Variants in GTF2H3 observed in about 807,000 individuals in gnomAD.
The protein encoded by GTF2H3 is general transcription factor IIH subunit 3.
A neutral mutation model predicts 51.1 loss-of-function variants in GTF2H3; 42 were observed. That is an observed-to-expected ratio of 0.82 (90% CI 0.64 to 1.06). The LOEUF (loss-of-function observed/expected upper bound fraction) is 1.06, where lower values mean the gene tolerates loss of function less well. Among genes scored for constraint, GTF2H3 ranks in the 50% least tolerant of loss-of-function variants. GTF2H3 has a pLI of 0.00. For missense variants in GTF2H3, 326 were observed against 366.1 expected, an observed-to-expected ratio of 0.89 and a Z score of 0.89; for synonymous variants, 123 against 123.8, an observed-to-expected ratio of 0.99 and a Z score of 0.04.
intron 7 of GTF2H3, 62 bp from the exon 8 acceptor site, chr12:123,654,862 T>G (rs1469627689): frequency 1.1e-5 from 12 of 1,090,078 alleles, no homozygotes; most frequent in Non-Finnish European, 1.7e-5. Flanking sequence ...GTATATTGTG[T>G]GACATTGGTG....
chr12:123,658,358 C>T (rs1955612469), intron 9 of GTF2H3, among the ~76,000 whole-genome samples: 1 of 152,148 alleles, frequency 6.6e-6, no homozygotes, highest in Admixed American at 6.5e-5. Context: ...GCTGGGATTA[C>T]AGGTGCCCGC....
chr12:123,634,401 T>C (rs11572914), intron 1 of GTF2H3, among the ~76,000 whole-genome samples: 5,618 of 152,266 alleles, frequency 0.037, 270 homozygotes, highest in African/African-American at 0.11. Context: ...ATTATGGCAG[T>C]ACTGCACCCA....
At position 123,643,124 on chromosome 12, in the gene GTF2H3, C is replaced by T. The variant is rs188875394; in HGVS notation, c.94-2331C>T. ...AACTCCTGAGCTCAGGCAGTCTGCCCGCCTTGGCCTCCCAAAGTGCTGGGA... is the reference window on the plus strand; with the variant it reads ...AACTCCTGAGCTCAGGCAGTCTGCCTGCCTTGGCCTCCCAAAGTGCTGGGA... On this transcript the variant is annotated intron_variant, in intron 2 of 12. Transcript: ENST00000543341. Among the ~76,000 whole-genome samples, 38 of 152,272 alleles carry T rather than the reference C, an allele frequency of 2.5e-4. No individual in the cohort carries two copies. The East Asian group carries it at 5.2e-3, about 21-fold the overall frequency.
intron 3 of GTF2H3, among the ~76,000 whole-genome samples, chr12:123,647,009 C>T (rs1448116548): frequency 6.6e-6 from 1 of 151,514 alleles, no homozygotes; most frequent in Non-Finnish European, 1.5e-5. Context: ...AAAAATTAGC[C>T]GGGCATGGTG....
At chr12:123,646,254 T>TA (rs1955445343) in intron 3 of GTF2H3, among the ~76,000 whole-genome samples, 10 of 149,076 alleles carry the variant, frequency 6.7e-5, no homozygotes, top group South Asian at 2.1e-4. Flanking sequence ...CTCTTCTATG[T>TA]CTTTTTTTTT....
intron 5 of GTF2H3, chr12:123,651,289 C>A (rs1345249418): frequency 3.0e-6 from 1 of 337,534 alleles, no homozygotes; most frequent in Non-Finnish European, 5.6e-6. Flanking sequence ...CGGCTCACTG[C>A]AACCTTCGCC....
chr12:123,641,998 C>T (rs1310413314), intron 2 of GTF2H3, among the ~76,000 whole-genome samples: 11 of 151,422 alleles, frequency 7.3e-5, no homozygotes, highest in South Asian at 6.3e-4. Context: ...GGATCACAGG[C>T]GCGTGCCACC....
At chr12:123,657,848 T>G (rs1275935156) in intron 9 of GTF2H3, among the ~76,000 whole-genome samples, 1 of 152,200 alleles carries the variant, frequency 6.6e-6, no homozygotes, top group African/African-American at 2.4e-5. Flanking sequence ...GCTAGGGTTT[T>G]CAGTGTAAAT....
chr12:123,636,500 G>A (rs1248020501), intron 1 of GTF2H3, among the ~76,000 whole-genome samples: 1 of 149,334 alleles, frequency 6.7e-6, no homozygotes, highest in African/African-American at 2.5e-5. Flanking sequence ...CTAGAGCCGG[G>A]CACGGCGGCA....
intron 2 of GTF2H3, 133 bp from the exon 3 acceptor site, chr12:123,645,322 G>A: frequency 1.6e-6 from 1 of 609,286 alleles, no homozygotes. Context: ...CTCCCACCTT[G>A]GCCTCTCAGG....
At chr12:123,646,979 G>A (rs903111493) in intron 3 of GTF2H3, among the ~76,000 whole-genome samples, 25 of 150,972 alleles carry the variant, frequency 1.7e-4, no homozygotes, top group Non-Finnish European at 3.1e-4. Flanking sequence ...GTGAAACCCC[G>A]TTTCTACTAA....
chr12:123,635,692 C>T (rs561916456), intron 1 of GTF2H3, among the ~76,000 whole-genome samples: 8 of 151,918 alleles, frequency 5.3e-5, no homozygotes, highest in Non-Finnish European at 8.8e-5. Context: ...GGATTACAGG[C>T]GTGAGCCACT....
intron 5 of GTF2H3, among the ~76,000 whole-genome samples, chr12:123,652,277 AGTCAAGT>A (rs1425316536): frequency 1.3e-5 from 2 of 152,222 alleles, no homozygotes; most frequent in Non-Finnish European, 2.9e-5. Context: ...AGAATAGGAC[AGTCAAGT>A]GTTGGGAATT....
rs559367249 is a variant in GTF2H3, at chr12:123,656,970, C to CT, written c.615+1147dup. On this transcript the variant is annotated intron_variant, in intron 9 of 12. Transcript: ENST00000543341. ...TATCATGGTGGTGCACGCCTGTAGT[C>CT]TCAGCTGTTCGGGAGGTGGAGGCAG... is the stretch of plus-strand genomic sequence containing the variant. 8.6e-3 allele frequency among the ~76,000 whole-genome samples: 1,313 copies of CT among 152,202 alleles called. 10 individuals are homozygous for CT. Among genetic ancestry groups the CT allele is most frequent in the Non-Finnish European group, 0.013 (895 of 68,016 alleles).
chr12:123,651,836 A>G (rs1195121355), intron 5 of GTF2H3, among the ~76,000 whole-genome samples: 3 of 151,984 alleles, frequency 2.0e-5, no homozygotes, highest in Non-Finnish European at 2.9e-5. Context: ...AAAAAAAAGA[A>G]AAAAAGATAA....
chr12:123,659,742 T>C, intron 10 of GTF2H3, 53 bp from the exon 11 acceptor site: 1 of 1,582,434 alleles, frequency 6.3e-7, no homozygotes, highest in Non-Finnish European at 8.6e-7. Context: ...GGCTTCATGT[T>C]ATTTTTTTCC....
Position 123,651,032 on chromosome 12 carries a change from G to A in GTF2H3, c.403G>A (p.Gly135Arg), listed in dbSNP as rs200262579. The change falls in exon 5 of 13, where the codon GGA becomes AGA. Residue 135 changes from glycine (G) to arginine (R), a missense_variant. Coordinates refer to ENST00000543341, the MANE Select transcript of GTF2H3 (RefSeq NM_001516.5). ...TCAACATACAGAAACTTTGCTGGCA[G>A]GATCCCTGGCCAAAGCCCTTTGCTG... ...KGQHTETLLA[G>R]SLAKALCYIH... 1 of 1,613,122 alleles carries A rather than the reference G, an allele frequency of 6.2e-7. No homozygotes were observed. Among genetic ancestry groups the A allele is most frequent in the South Asian group, 1.1e-5 (1 of 91,048 alleles).
chr12:123,650,584 AC>A, intron 4 of GTF2H3: 1 of 155,468 alleles, frequency 6.4e-6, no homozygotes, highest in Admixed American at 6.4e-5. Flanking sequence ...AAATTTACTT[AC>A]CATAAAATTT....
intron 1 of GTF2H3, among the ~76,000 whole-genome samples, chr12:123,636,296 T>C (rs911111505): frequency 3.3e-5 from 5 of 152,200 alleles, no homozygotes; most frequent in African/African-American, 1.2e-4. Flanking sequence ...CTGGCATTCC[T>C]TCTGCTCTGA....
Sources: allele counts gnomAD v4.1 joint callset (sites outside exome capture counted in the v4.1 genomes callset), GRCh38; gene constraint gnomAD v4.1.1; transcripts MANE v1.5; gene names NCBI Gene and HGNC (gene_info 2026-07-23, HGNC 2026-07-21).